The following FBXO27 variants were observed in gnomAD, a reference collection of about 807,000 sequenced individuals.
FBXO27 encodes F-box protein 27.
Under a neutral mutation model 28.3 loss-of-function variants are expected in FBXO27, and 28 were observed. The observed-to-expected ratio is 0.99, with a 90% CI of 0.73 to 1.36. The LOEUF (loss-of-function observed/expected upper bound fraction) is 1.36. FBXO27 is among the 40% of genes most tolerant of loss of function. The pLI, the probability that FBXO27 is intolerant of heterozygous loss-of-function variation, is 0.00. For missense variants in FBXO27, 388 were observed against 394.1 expected (o/e 0.98, Z 0.13); for synonymous variants, 175 against 167.3 (o/e 1.05, Z -0.36).
intron 2 of FBXO27, among the ~76,000 whole-genome samples, chr19:39,012,777 G>C: frequency 6.6e-6 from 1 of 151,966 alleles, no homozygotes; most frequent in East Asian, 1.9e-4. Context: ...GGCCAACAGA[G>C]TGAAACCCCG....
chr19:39,023,259 T>G (rs761971259), downstream of FBXO27, among the ~76,000 whole-genome samples: 1 of 152,126 alleles, frequency 6.6e-6, no homozygotes, highest in African/African-American at 2.4e-5. Context: ...CAATCTACAG[T>G]TGGTTGAATC....
chr19:39,021,428 G>A (rs1001539400), downstream of FBXO27, among the ~76,000 whole-genome samples: 3 of 152,056 alleles, frequency 2.0e-5, no homozygotes, highest in African/African-American at 7.2e-5. Flanking sequence ...TGAAGATAAC[G>A]AGGATGAAGA....
At chr19:39,007,769 A>G (rs1348393881) in intron 2 of FBXO27, among the ~76,000 whole-genome samples, 3 of 152,084 alleles carry the variant, frequency 2.0e-5, no homozygotes, top group Non-Finnish European at 4.4e-5. Flanking sequence ...CAGCCTCCCA[A>G]GTAGTTGGGA....
chr19:39,008,309 G>A (rs556437865), intron 2 of FBXO27, among the ~76,000 whole-genome samples: 1 of 150,526 alleles, frequency 6.6e-6, no homozygotes, highest in Admixed American at 6.6e-5. Flanking sequence ...ATATAAATGG[G>A]GTCTCACTAT....
Position 39,025,534 on chromosome 19 carries a change from G to A in FBXO27, c.729C>T (p.Asn243=), listed in dbSNP as rs139870199. 68 of 1,614,044 alleles carry A rather than the reference G, an allele frequency of 4.2e-5. No homozygotes were observed. In the African/African-American group the frequency reaches 8.0e-4, roughly 19 times the overall value. ...ACACAAAGCGGACGCCCATCTTGAT[G>A]TTGGAGAACACGTGGGTGACCTGTA... ...ACLHVTHVFS[N]IKMGVRFVSF... is the part of the protein sequence containing the mutation. The change falls in exon 6 of 6, where the codon AAC becomes AAT. Residue 243 remains asparagine (N), a synonymous_variant. Transcript: ENST00000292853.
At chr19:39,007,845 G>T (rs1280468654) in intron 2 of FBXO27, among the ~76,000 whole-genome samples, 1 of 152,068 alleles carries the variant, frequency 6.6e-6, no homozygotes, top group Non-Finnish European at 1.5e-5. Flanking sequence ...GTTTCCCTAT[G>T]TTGCCCAGGT....
intron 1 of FBXO27, chr19:39,014,589 G>A (rs2072810968): frequency 6.5e-6 from 1 of 152,770 alleles, no homozygotes; most frequent in Admixed American, 6.6e-5. Flanking sequence ...AACTGGGCGT[G>A]GAGGTGGGCA....
At chr19:39,012,844 T>A (rs12982199) in intron 2 of FBXO27, among the ~76,000 whole-genome samples, 3 of 151,482 alleles carry the variant, frequency 2.0e-5, no homozygotes, top group Non-Finnish European at 2.9e-5. Flanking sequence ...CCTGTAGTCC[T>A]AGGTACTTGG....
chr19:39,023,320 T>G (rs1202847115), downstream of FBXO27, among the ~76,000 whole-genome samples: 2 of 152,216 alleles, frequency 1.3e-5, no homozygotes, highest in Non-Finnish European at 2.9e-5. Context: ...ATGTTTATCT[T>G]ATTCTTTTTT....
intron 2 of FBXO27, among the ~76,000 whole-genome samples, chr19:39,011,920 C>A (rs2072796762): frequency 6.6e-6 from 1 of 151,420 alleles, no homozygotes; most frequent in African/African-American, 2.4e-5. Context: ...GCTCCACCTC[C>A]CGGGTTCACG....
chr19:39,029,156 T>A (rs1443300500), intron 4 of FBXO27, among the ~76,000 whole-genome samples: 2 of 151,484 alleles, frequency 1.3e-5, no homozygotes, highest in African/African-American at 4.9e-5. Context: ...CCAGGCACAG[T>A]GGCTTATGCC....
chr19:39,019,427 A>AG (rs1171950654), downstream of FBXO27, among the ~76,000 whole-genome samples: 1 of 6,066 alleles, frequency 1.6e-4, no homozygotes, highest in East Asian at 6.5e-3. Context: ...TCTGTCTCAA[A>AG]AAAAAAAAAA....
At position 39,025,134 on chromosome 19, in the gene FBXO27, A is replaced by C; in HGVS notation, c.*277T>G. ...GGGAGGGCAAGAATTCTTCTCCAGG[A>C]TGGGCATTCCCCCATGCTCACTTGT... On this transcript the variant is annotated 3_prime_UTR_variant, in exon 6 of 6. Coordinates refer to ENST00000292853, the MANE Select transcript of FBXO27 (RefSeq NM_178820.5). 1 of 369,188 alleles carries C rather than the reference A, an allele frequency of 2.7e-6. No homozygotes were observed. The highest frequency in any genetic ancestry group is 4.9e-6 in the Non-Finnish European group (1 of 205,202). 22.9% of individuals were successfully genotyped at this position (369,188 alleles called of 1,614,324 possible). A position where few individuals can be genotyped will look rare whatever the true frequency, so the allele number is the denominator to read the frequency against.
chr19:39,010,638 C>T (rs570823278), intron 2 of FBXO27, among the ~76,000 whole-genome samples: 1 of 152,306 alleles, frequency 6.6e-6, no homozygotes, highest in Admixed American at 6.5e-5. Flanking sequence ...GGGGGTTATC[C>T]CCCGTCTCTT....
At chr19:39,018,933 G>A (rs2144889601) in intron 1 of FBXO27, among the ~76,000 whole-genome samples, 1 of 151,834 alleles carries the variant, frequency 6.6e-6, no homozygotes, top group East Asian at 1.9e-4. Flanking sequence ...ACTGGGCATG[G>A]TGGTGGGTGC....
At chr19:39,012,301 CAGCCTTCCG>C (rs1408004948) in intron 2 of FBXO27, among the ~76,000 whole-genome samples, 1 of 151,670 alleles carries the variant, frequency 6.6e-6, no homozygotes, top group Non-Finnish European at 1.5e-5. Flanking sequence ...TCTCCTGCCT[CAGCCTTCCG>C]AGTAGCTGCG....
At chr19:39,015,259 C>T (rs1236903821) in intron 1 of FBXO27, among the ~76,000 whole-genome samples, 1 of 129,068 alleles carries the variant, frequency 7.7e-6, no homozygotes, top group Non-Finnish European at 1.5e-5. Flanking sequence ...GCAGAGGTTG[C>T]AGTGAGCCAT....
At chr19:39,031,401 C>T in intron 2 of FBXO27, 81 bp from the exon 3 acceptor site, 1 of 1,299,584 alleles carries the variant, frequency 7.7e-7, no homozygotes, top group Non-Finnish European at 1.1e-6. Flanking sequence ...CTAGCCCCTC[C>T]CACGTGCTCA....
intron 4 of FBXO27, among the ~76,000 whole-genome samples, chr19:39,028,061 T>C (rs1166131970): frequency 6.6e-6 from 1 of 150,848 alleles, no homozygotes; most frequent in East Asian, 2.0e-4. Context: ...GCCAACATGG[T>C]GAAACCTTGT....
Sources: gnomAD v4.1 joint callset for allele counts (sites outside exome capture counted in the v4.1 genomes callset) on GRCh38, gnomAD v4.1.1 for gene constraint, MANE v1.5 for transcripts, NCBI Gene and HGNC (gene_info 2026-07-23, HGNC 2026-07-21) for gene names.